CNOT6L: variants seen among roughly 807,000 people sequenced by gnomAD.
The protein encoded by CNOT6L is CCR4-NOT transcription complex subunit 6 like, also known as CCR4-NOT transcription complex subunit 6-like.
Under a neutral mutation model 64.0 loss-of-function variants are expected in CNOT6L, and 7 were observed. That is an observed-to-expected ratio of 0.11 (90% CI 0.06 to 0.21). The LOEUF (loss-of-function observed/expected upper bound fraction) is 0.21. Ranked by LOEUF, CNOT6L falls within the 10% of genes least tolerant of loss-of-function variation. The pLI is 1.00. For synonymous variants in CNOT6L, 193 were observed against 243.4 expected (o/e 0.79, Z 1.93); for missense variants, 245 against 669.0 (o/e 0.37, Z 6.99).
intron 4 of CNOT6L, among the ~76,000 whole-genome samples, chr4:77,762,278 T>C (rs902361401): frequency 3.9e-5 from 6 of 152,184 alleles, no homozygotes; most frequent in African/African-American, 1.2e-4. Flanking sequence ...TCAATGCAAC[T>C]TGGAAAACTA....
chr4:77,784,974 T>C (rs1448202168), intron 1 of CNOT6L, among the ~76,000 whole-genome samples: 2 of 152,216 alleles, frequency 1.3e-5, no homozygotes, highest in East Asian at 3.8e-4. Context: ...CAATCTAAAA[T>C]AGCCAGTACA....
Position 77,744,656 on chromosome 4 carries a change from ATCT to A in CNOT6L, c.717+59_717+61del, listed in dbSNP as rs1345582835. 3.1e-5 allele frequency: 44 copies of A among 1,425,652 alleles called. No homozygotes were observed. In the East Asian group the frequency reaches 9.3e-4, roughly 30 times the overall value. The allele number at this position is 1,425,652 out of a possible 1,614,324, so 88.3% of individuals were successfully genotyped here. A position where few individuals can be genotyped will look rare whatever the true frequency, so the allele number is the denominator to read the frequency against. On this transcript the variant is annotated intron_variant, in intron 7 of 11. Transcript: ENST00000504123. ...ACACAGGATCTCTCCCAGTGGTCAG[ATCT>A]TCTCTTATGTTTAAGTTCACCTTTT...
chr4:77,765,538 C>T (rs1726732558), intron 4 of CNOT6L, among the ~76,000 whole-genome samples: 1 of 152,194 alleles, frequency 6.6e-6, no homozygotes, highest in African/African-American at 2.4e-5. Flanking sequence ...TTTCAGAGAA[C>T]TGAATAATAC....
At chr4:77,760,859 G>GTTTTTTTTT (rs1205413604) in intron 4 of CNOT6L, among the ~76,000 whole-genome samples, 2 of 37,170 alleles carry the variant, frequency 5.4e-5, no homozygotes, top group Non-Finnish European at 1.1e-4. Flanking sequence ...ACCATGCCTG[G>GTTTTTTTTT]CTTTTTTTTT....
chr4:77,747,731 T>A (rs990290956), intron 6 of CNOT6L, among the ~76,000 whole-genome samples: 1 of 152,224 alleles, frequency 6.6e-6, no homozygotes, highest in Non-Finnish European at 1.5e-5. Flanking sequence ...GTTTTCTACA[T>A]TACTTCAGTT....
intron 8 of CNOT6L, among the ~76,000 whole-genome samples, chr4:77,734,991 A>T (rs1214972124): frequency 6.6e-6 from 1 of 152,202 alleles, no homozygotes; most frequent in Non-Finnish European, 1.5e-5. Flanking sequence ...TGTTAGTCCT[A>T]AAATTTGCAC....
In CNOT6L at chr4:77,714,280, C is replaced by T. The variant is rs1315042340; in HGVS notation, c.*6151G>A. 1.3e-5 allele frequency: 2 copies of T among 152,002 alleles called. No homozygotes were observed. Among genetic ancestry groups the T allele is most frequent in the African/African-American group, 4.9e-5 (2 of 41,204 alleles). The allele number at this position is 152,002 out of a possible 1,614,324, so 9.4% of individuals were successfully genotyped here. A position where few individuals can be genotyped will look rare whatever the true frequency, so the allele number is the denominator to read the frequency against. On this transcript the variant is annotated 3_prime_UTR_variant, in exon 12 of 12. Coordinates refer to ENST00000504123, the MANE Select transcript of CNOT6L (RefSeq NM_144571.3). ...TAAATGAACCTTTCCCTACTCAAAA[C>T]GATAAATTGAGTGGAAAAGTAGATT...
intron 7 of CNOT6L, among the ~76,000 whole-genome samples, chr4:77,742,879 T>C (rs1268076948): frequency 2.6e-5 from 4 of 152,150 alleles, no homozygotes; most frequent in Non-Finnish European, 4.4e-5. Context: ...AACAGGTCTT[T>C]CTAAATGAAA....
chr4:77,730,340 TTAAG>T (rs774568476), intron 9 of CNOT6L, among the ~76,000 whole-genome samples: 2 of 152,096 alleles, frequency 1.3e-5, no homozygotes, highest in Non-Finnish European at 2.9e-5. Flanking sequence ...TAGCTATAGA[TTAAG>T]TATTCACAAT....
At position 77,754,376 on chromosome 4, in the gene CNOT6L, T is replaced by TG. The variant is rs202032884; in HGVS notation, c.490+2485dup. Reference sequence around the variant, plus strand: ...TATTTAGAATAAATGTAATACAATATGGGCAAGCCCACTACATAGAAACTT... The same window carrying TG: ...TATTTAGAATAAATGTAATACAATATGGGGCAAGCCCACTACATAGAAACTT... On this transcript the variant is annotated intron_variant, in intron 5 of 11. Coordinates refer to ENST00000504123, the MANE Select transcript of CNOT6L (RefSeq NM_144571.3). 3.0e-3 allele frequency among the ~76,000 whole-genome samples: 461 copies of TG among 152,288 alleles called. 3 individuals carry two copies. Among genetic ancestry groups the TG allele is most frequent in the African/African-American group, 0.01 (429 of 41,580 alleles).
intron 5 of CNOT6L, among the ~76,000 whole-genome samples, chr4:77,748,643 A>C (rs1321613815): frequency 6.6e-6 from 1 of 152,206 alleles, no homozygotes; most frequent in Non-Finnish European, 1.5e-5. Flanking sequence ...ATTTACGAAA[A>C]GTACCTATTT....
chr4:77,764,081 ATGCATAGT>A (rs1225103881), intron 4 of CNOT6L, among the ~76,000 whole-genome samples: 2 of 152,156 alleles, frequency 1.3e-5, no homozygotes, highest in African/African-American at 2.4e-5. Context: ...GAACCAAACA[ATGCATAGT>A]TGCCACCAAC....
At chr4:77,819,211 C>G (rs757803721) in intron 1 of CNOT6L, 93 bp downstream of exon 1, 10 of 1,611,088 alleles carry the variant, frequency 6.2e-6, no homozygotes, top group Middle Eastern at 1.6e-4. Context: ...CACACCCACA[C>G]GCACATTTGT....
chr4:77,779,966 T>C (rs1367068798), intron 1 of CNOT6L, among the ~76,000 whole-genome samples: 2 of 152,120 alleles, frequency 1.3e-5, no homozygotes, highest in Non-Finnish European at 1.5e-5. Flanking sequence ...CCTGTCTCAA[T>C]CAATCAATCA....
chr4:77,740,027 AT>A (rs33987985), intron 8 of CNOT6L, among the ~76,000 whole-genome samples: 119,103 of 151,374 alleles, frequency 0.79, 47,667 homozygotes, highest in Non-Finnish European at 0.86. Context: ...TTACTGGTGC[AT>A]TTTTTTTTTA....
intron 8 of CNOT6L, among the ~76,000 whole-genome samples, chr4:77,739,706 C>G (rs1455637739): frequency 6.6e-6 from 1 of 152,082 alleles, no homozygotes; most frequent in African/African-American, 2.4e-5. Flanking sequence ...CAATCTGTTG[C>G]CAGATCCATG....
chr4:77,779,471 T>C (rs893013933), intron 1 of CNOT6L, among the ~76,000 whole-genome samples: 2 of 152,194 alleles, frequency 1.3e-5, no homozygotes, highest in African/African-American at 4.8e-5. Flanking sequence ...AGATATTATA[T>C]AGAACTAGAT....
chr4:77,795,913 T>C (rs970978588), intron 1 of CNOT6L, among the ~76,000 whole-genome samples: 4 of 152,224 alleles, frequency 2.6e-5, no homozygotes, highest in African/African-American at 9.6e-5. Context: ...CCAAATGATC[T>C]ACAAATTTAA....
At position 77,793,776 on chromosome 4, in the gene CNOT6L, A is replaced by G. The variant is rs149644001; in HGVS notation, c.6-17384T>C. Among the ~76,000 whole-genome samples the G allele has an allele frequency of 1.6e-4, 24 of 152,318 alleles. No individual in the cohort carries two copies. The East Asian group carries it at 4.6e-3, about 29-fold the overall frequency. The stretch of plus-strand genomic sequence containing the variant: ...AGACAGATAAGCTTTCTATGCAGTA[A>G]GAGTGTACAGGTATATGCGTTATAA... On this transcript the variant is annotated intron_variant, in intron 1 of 11. Transcript: ENST00000504123.
Sources: allele counts gnomAD v4.1 joint callset (sites outside exome capture counted in the v4.1 genomes callset), GRCh38; gene constraint gnomAD v4.1.1; transcripts MANE v1.5; gene names NCBI Gene and HGNC (gene_info 2026-07-23, HGNC 2026-07-21).